The following CRYM variants were observed in gnomAD, a reference collection of about 807,000 sequenced individuals.
CRYM encodes ketimine reductase mu-crystallin.
In CRYM, 18 loss-of-function variants were observed where a neutral mutation model predicts 32.9. The observed-to-expected ratio is 0.55, with a 90% confidence interval of 0.38 to 0.81. The LOEUF (loss-of-function observed/expected upper bound fraction) is 0.81, where lower values mean the gene tolerates loss of function less well. Ranked by LOEUF, CRYM falls within the 30% of genes least tolerant of loss-of-function variation. The probability of loss-of-function intolerance (pLI) is 0.00; values close to 1 mark genes in which losing one functional copy is unlikely to be tolerated. For missense variants in CRYM, 337 were observed against 393.5 expected (o/e 0.86, Z 1.21); for synonymous variants, 153 against 152.4 (o/e 1.00, Z -0.03).
upstream of CRYM, chr16:21,278,556 A>G: frequency 2.0e-6 from 1 of 489,146 alleles, no homozygotes; most frequent in Non-Finnish European, 3.7e-6. Flanking sequence ...AGCTGTAGCC[A>G]CATTCCTTGA....
chr16:21,297,770 A>G (rs1049906622), intron 1 of CRYM, among the ~76,000 whole-genome samples: 88 of 152,226 alleles, frequency 5.8e-4, no homozygotes, highest in African/African-American at 1.7e-3. Flanking sequence ...GAGAACTTCT[A>G]TAGAACATAT....
upstream of CRYM, among the ~76,000 whole-genome samples, chr16:21,279,148 C>T (rs529287832): frequency 2.6e-5 from 4 of 152,168 alleles, no homozygotes; most frequent in East Asian, 3.9e-4. Flanking sequence ...ATAATAGTGA[C>T]GACAACAATG....
intron 5 of CRYM, 197 bp from the exon 6 acceptor site, chr16:21,262,355 C>T: frequency 7.3e-6 from 4 of 551,654 alleles, no homozygotes; most frequent in South Asian, 5.5e-5. Context: ...TGGTGGCTCA[C>T]ACCTGTAATC....
intron 1 of CRYM, among the ~76,000 whole-genome samples, chr16:21,290,457 A>G (rs1363913894): frequency 2.0e-5 from 3 of 152,128 alleles, no homozygotes; most frequent in Admixed American, 1.3e-4. Context: ...CTGAAGGAAC[A>G]ACTCTGGACA....
Position 21,269,770 on chromosome 16 carries a change from A to ACCCCCCCCCCCCCTCCCTCCCC in CRYM, c.489+19_489+20insGGGGAGGGAGGGGGGGGGGGGG. ...ACCACCCCCTTCCCTCTTCTCTCCC[A>ACCCCCCCCCCCCCTCCCTCCCC]CCCCCACCCCTGGACTTACCTCCTT... On this transcript the variant is annotated intron_variant, in intron 4 of 7. Coordinates refer to ENST00000572914, the MANE Select transcript of CRYM (RefSeq NM_001376256.1). The ACCCCCCCCCCCCCTCCCTCCCC allele has an allele frequency of 2.4e-6, 1 of 421,326 alleles. No homozygotes were observed. The highest frequency in any genetic ancestry group is 2.1e-5 in the South Asian group (1 of 46,548). The allele number at this position is 421,326 out of a possible 1,614,324, so 26.1% of individuals were successfully genotyped here.
intron 1 of CRYM, among the ~76,000 whole-genome samples, chr16:21,290,137 G>A (rs1250609867): frequency 6.6e-6 from 1 of 152,148 alleles, no homozygotes; most frequent in African/African-American, 2.4e-5. Context: ...GGCCACCAGA[G>A]CCAGCAGTGG....
intron 1 of CRYM, among the ~76,000 whole-genome samples, chr16:21,294,346 TA>T (rs1341940449): frequency 6.6e-6 from 1 of 152,134 alleles, no homozygotes; most frequent in Admixed American, 6.5e-5. Context: ...ATTATTTTTT[TA>T]AATTTACTTT....
chr16:21,278,023 C>T lies in CRYM; in HGVS notation c.170+59G>A, dbSNP rs958670964. 4 of 1,504,304 alleles carry T rather than the reference C, an allele frequency of 2.7e-6. No homozygotes were observed. The East Asian group carries it at 7.4e-5, about 28-fold the overall frequency. The allele number at this position is 1,504,304 out of a possible 1,614,324, so 93.2% of individuals were successfully genotyped here. ...CCTTCTCCCACCCCTCCTCTTCCTG[C>T]TCCTCCTTTCCCCGCTTTCCAGTTT... is the stretch of plus-strand genomic sequence containing the variant. On this transcript the variant is annotated intron_variant, in intron 1 of 7. Transcript: ENST00000572914.
chr16:21,299,190 C>T (rs192270016), intron 1 of CRYM, among the ~76,000 whole-genome samples: 4 of 152,298 alleles, frequency 2.6e-5, no homozygotes, highest in African/African-American at 9.6e-5. Flanking sequence ...GTCCTCCCCA[C>T]CAAACACACT....
At chr16:21,294,667 G>A (rs1046900793) in intron 1 of CRYM, among the ~76,000 whole-genome samples, 1 of 149,922 alleles carries the variant, frequency 6.7e-6, no homozygotes, top group African/African-American at 2.5e-5. Context: ...CCATGTCCCT[G>A]CAAAGGACAT....
intron 5 of CRYM, among the ~76,000 whole-genome samples, chr16:21,263,409 AACAAAC>A (rs2093358179): frequency 6.6e-6 from 1 of 151,968 alleles, no homozygotes; most frequent in Non-Finnish European, 1.5e-5. Flanking sequence ...TCAAAAAACA[AACAAAC>A]AAAAACTCAC....
Position 21,277,312 on chromosome 16 carries a change from C to A in CRYM, c.324+119G>T. On this transcript the variant is annotated intron_variant, in intron 2 of 7. Transcript: ENST00000572914. The surrounding 1 kb of genome is among the most constrained non-coding windows in gnomAD (Gnocchi z 4.2). ...ACCTTCACTGTTGCTGGTATCCAGT[C>A]ACTTGCAGAGGGGCACGCGTAGTCA... The A allele has an allele frequency of 9.7e-7, 1 of 1,032,476 alleles. No homozygotes were observed. The highest frequency in any genetic ancestry group is 1.4e-6 in the Non-Finnish European group (1 of 690,620). 64.0% of individuals were successfully genotyped at this position (1,032,476 alleles called of 1,614,324 possible).
At chr16:21,261,427 G>T in intron 6 of CRYM, 89 bp from the exon 7 acceptor site, 4 of 797,494 alleles carry the variant, frequency 5.0e-6, no homozygotes, top group Non-Finnish European at 8.6e-6. Flanking sequence ...TTCCTGAATT[G>T]GATAAGAGAT....
intron 5 of CRYM, among the ~76,000 whole-genome samples, chr16:21,264,867 C>T (rs2093360982): frequency 6.6e-6 from 1 of 152,152 alleles, no homozygotes; most frequent in South Asian, 2.1e-4. Context: ...CCCCCATCCT[C>T]CAGTGTAAGG....
upstream of CRYM, among the ~76,000 whole-genome samples, chr16:21,283,153 GT>G (rs1368064344): frequency 6.6e-6 from 1 of 152,086 alleles, no homozygotes; most frequent in Non-Finnish European, 1.5e-5. Flanking sequence ...GGAGGAGGTG[GT>G]TACTTACATC....
chr16:21,277,963 C>T lies in CRYM; in HGVS notation c.170+119G>A. On this transcript the variant is annotated intron_variant, in intron 1 of 7. Transcript: ENST00000572914. This position sits in a 1 kb window ranked among gnomAD's most constrained non-coding sequence, Gnocchi z 4.2. ...ACCGGGTAGCGCCTATTAAAAGTGGCAGCTGTTAGCAACGGTTAGGCAAGC... is the reference window on the plus strand; with the variant it reads ...ACCGGGTAGCGCCTATTAAAAGTGGTAGCTGTTAGCAACGGTTAGGCAAGC... 1 of 1,197,824 alleles carries T rather than the reference C, an allele frequency of 8.3e-7. No individual in the cohort carries two copies. Among genetic ancestry groups the T allele is most frequent in the Non-Finnish European group, 1.2e-6 (1 of 866,586 alleles). 74.2% of individuals were successfully genotyped at this position (1,197,824 alleles called of 1,614,324 possible).
At chr16:21,297,472 A>G (rs1187200766) in intron 1 of CRYM, among the ~76,000 whole-genome samples, 2 of 152,196 alleles carry the variant, frequency 1.3e-5, no homozygotes, top group African/African-American at 4.8e-5. Context: ...AGAATATACA[A>G]ATGAAAAAAA....
At chr16:21,296,255 C>T (rs1027873938) in intron 1 of CRYM, among the ~76,000 whole-genome samples, 17 of 151,974 alleles carry the variant, frequency 1.1e-4, no homozygotes, top group Non-Finnish European at 2.1e-4. Context: ...TTTAAGTAAA[C>T]ATTTAAGAAA....
At chr16:21,261,389 G>A (rs534592589) in intron 6 of CRYM, 51 bp from the exon 7 acceptor site, 2 of 1,512,306 alleles carry the variant, frequency 1.3e-6, no homozygotes, top group African/African-American at 2.8e-5. Flanking sequence ...GTCTGTGCAG[G>A]GTTGGCTTTT....
Sources: allele counts gnomAD v4.1 joint callset (sites outside exome capture counted in the v4.1 genomes callset), GRCh38; gene constraint gnomAD v4.1.1; non-coding constraint Gnocchi (gnomAD v3.1); transcripts MANE v1.5; gene names NCBI Gene and HGNC (gene_info 2026-07-23, HGNC 2026-07-21).